Variants in ATE1 observed in about 807,000 individuals in gnomAD.
ATE1 encodes the protein arginyl-tRNA--protein transferase 1.
ATE1 carries 36 observed loss-of-function variants against 70.5 expected under a neutral mutation model. That is an observed-to-expected ratio of 0.51 (90% CI 0.39 to 0.67). The LOEUF (loss-of-function observed/expected upper bound fraction) is 0.67. Among genes scored for constraint, ATE1 ranks in the 30% least tolerant of loss-of-function variants. ATE1 has a pLI of 0.00. For synonymous variants in ATE1, 232 were observed against 219.3 expected (o/e 1.06, Z -0.51); for missense variants, 593 against 629.5 (o/e 0.94, Z 0.62).
Position 121,927,923 on chromosome 10 carries a change from G to C in ATE1, c.27C>G (p.Pro9=), listed in dbSNP as rs778647784. The C allele has an allele frequency of 6.3e-7, 1 of 1,580,732 alleles. No individual in the cohort carries two copies. Among genetic ancestry groups the C allele is most frequent in the South Asian group, 1.1e-5 (1 of 87,010 alleles). The change falls in exon 1 of 12, where the codon CCC becomes CCG. Residue 9 remains proline, a synonymous_variant. Transcript: ENST00000224652. The stretch of plus-strand genomic sequence containing the variant: ...CGCTAGGGAAATAGTCCACGACGCT[G>C]GGCGAACCCCCCGCCCAGAAAGCCA... The part of the protein sequence containing the change: MAFWAGGS[P]SVVDYFPSED...
intron 11 of ATE1, among the ~76,000 whole-genome samples, chr10:121,766,969 T>C (rs1014428029): frequency 6.6e-6 from 1 of 152,050 alleles, no homozygotes; most frequent in Admixed American, 6.6e-5. Flanking sequence ...ACAAAGACAG[T>C]ACAAAAAGAC....
chr10:121,900,486 G>A (rs1950938207), intron 6 of ATE1, among the ~76,000 whole-genome samples: 3 of 152,198 alleles, frequency 2.0e-5, no homozygotes, highest in Admixed American at 1.3e-4. Context: ...TAACAACCAT[G>A]ACTCTGAAGT....
At chr10:121,900,106 AG>A in intron 6 of ATE1, 112 bp from the exon 7 acceptor site, 1 of 1,179,750 alleles carries the variant, frequency 8.5e-7, no homozygotes, top group Non-Finnish European at 1.2e-6. Context: ...CAATTATTAA[AG>A]CACCTAAATA....
chr10:121,917,854 CT>C (rs1212643313), intron 3 of ATE1, among the ~76,000 whole-genome samples: 1 of 152,134 alleles, frequency 6.6e-6, no homozygotes, highest in Non-Finnish European at 1.5e-5. Flanking sequence ...AAATAAAAAA[CT>C]TAAAAAATCA....
chr10:121,786,639 C>CAA lies in ATE1; in HGVS notation c.1378+3528_1378+3529dup, dbSNP rs34356088. On this transcript the variant is annotated intron_variant, in intron 11 of 11. Transcript: ENST00000224652. ...AGCCAAGATCATACCAGCCTGGCCT[C>CAA]AAAAAAAAAAAAAATCTTTATTAGA... 1.7e-3 allele frequency among the ~76,000 whole-genome samples: 252 copies of CAA among 149,634 alleles called. 2 individuals carry two copies. The highest frequency in any genetic ancestry group is 2.9e-3 in the Admixed American group (43 of 15,020).
intron 10 of ATE1, among the ~76,000 whole-genome samples, chr10:121,801,779 A>G (rs370990301): frequency 2.0e-5 from 3 of 152,012 alleles, no homozygotes; most frequent in African/African-American, 7.3e-5. Flanking sequence ...CACCTAGACA[A>G]GAGTGAGGGG....
intron 8 of ATE1, among the ~76,000 whole-genome samples, chr10:121,862,236 T>C (rs1289254354): frequency 7.2e-5 from 11 of 152,216 alleles, no homozygotes; most frequent in Non-Finnish European, 4.4e-5. Flanking sequence ...CCTTTACTGC[T>C]GACTCTGCAA....
chr10:121,759,928 C>G lies in ATE1; in HGVS notation c.1379-16070G>C, dbSNP rs537698317. On this transcript the variant is annotated intron_variant, in intron 11 of 11. Coordinates refer to ENST00000224652, the MANE Select transcript of ATE1 (RefSeq NM_001001976.3). ...AGGTGACTTTAAGCTGAAGCCAATG[C>G]TCATTAATCATACTGAAAACACAAG... Among the ~76,000 whole-genome samples, 189 of 152,224 alleles carry G rather than the reference C, an allele frequency of 1.2e-3. 2 individuals carry two copies. The Middle Eastern group carries it at 0.024, about 19-fold the overall frequency.
chr10:121,845,602 C>A (rs948367777), intron 8 of ATE1, among the ~76,000 whole-genome samples: 1 of 152,096 alleles, frequency 6.6e-6, no homozygotes, highest in Non-Finnish European at 1.5e-5. Context: ...ACCTAAGCAC[C>A]GTATCCTACT....
At chr10:121,903,721 G>A (rs1951075806) in intron 5 of ATE1, among the ~76,000 whole-genome samples, 1 of 151,928 alleles carries the variant, frequency 6.6e-6, no homozygotes, top group Non-Finnish European at 1.5e-5. Flanking sequence ...TTAGTTGAAG[G>A]TATCTGTGTC....
chr10:121,789,083 T>G, intron 11 of ATE1, among the ~76,000 whole-genome samples: 1 of 152,198 alleles, frequency 6.6e-6, no homozygotes. Context: ...CTAATTTGGC[T>G]AGTGACCACC....
intron 11 of ATE1, among the ~76,000 whole-genome samples, chr10:121,759,213 A>G (rs1384702970): frequency 6.6e-6 from 1 of 152,212 alleles, no homozygotes; most frequent in Admixed American, 6.5e-5. Context: ...CATAAGTAAA[A>G]CAGCCTTATT....
chr10:121,803,205 T>C (rs1029351324), intron 10 of ATE1, among the ~76,000 whole-genome samples: 1 of 152,204 alleles, frequency 6.6e-6, no homozygotes, highest in Admixed American at 6.5e-5. Flanking sequence ...TCCCTATGCA[T>C]ATGAAGAATT....
intron 7 of ATE1, among the ~76,000 whole-genome samples, chr10:121,895,194 CAT>C (rs1295544619): frequency 9.9e-5 from 15 of 152,182 alleles, no homozygotes; most frequent in Admixed American, 6.5e-4. Context: ...AAGGAAAACA[CAT>C]GAGTTACCAC....
chr10:121,751,568 T>C (rs1696527384), intron 11 of ATE1, among the ~76,000 whole-genome samples: 1 of 152,278 alleles, frequency 6.6e-6, no homozygotes, highest in South Asian at 2.1e-4. Flanking sequence ...TAGCTAATGA[T>C]GCTGAGCATC....
chr10:121,922,753 G>A (rs1951931836), intron 2 of ATE1, among the ~76,000 whole-genome samples: 3 of 152,256 alleles, frequency 2.0e-5, no homozygotes, highest in Admixed American at 1.3e-4. Context: ...TGGGACTCAT[G>A]TATGTGATGC....
chr10:121,800,367 G>T (rs1440589760), intron 10 of ATE1, among the ~76,000 whole-genome samples: 1 of 152,126 alleles, frequency 6.6e-6, no homozygotes, highest in African/African-American at 2.4e-5. Context: ...CAATAAAATT[G>T]AAGTTACCAA....
At chr10:121,843,003 G>C (rs1948687105) in intron 8 of ATE1, among the ~76,000 whole-genome samples, 1 of 152,026 alleles carries the variant, frequency 6.6e-6, no homozygotes, top group African/African-American at 2.4e-5. Flanking sequence ...GGAAATAAAA[G>C]GTGTATAGAC....
At chr10:121,895,231 G>A (rs572830105) in intron 7 of ATE1, among the ~76,000 whole-genome samples, 27 of 152,248 alleles carry the variant, frequency 1.8e-4, no homozygotes, top group Admixed American at 4.6e-4. Flanking sequence ...CCACGCGTAC[G>A]TATACACCCA....
Sources: allele counts gnomAD v4.1 joint callset (sites outside exome capture counted in the v4.1 genomes callset), GRCh38; gene constraint gnomAD v4.1.1; transcripts MANE v1.5; gene names NCBI Gene and HGNC (gene_info 2026-07-23, HGNC 2026-07-21).